HCN1: variants seen among roughly 807,000 people sequenced by gnomAD.
HCN1 encodes potassium/sodium hyperpolarization-activated cyclic nucleotide-gated channel 1.
A neutral mutation model predicts 78.9 loss-of-function variants in HCN1; 13 were observed. The ratio of observed to expected loss-of-function variants is 0.16; its 90% CI spans 0.11 to 0.26. The LOEUF is 0.26. Ranked by LOEUF, HCN1 falls within the 10% of genes least tolerant of loss-of-function variation. The pLI, the probability that HCN1 is intolerant of heterozygous loss-of-function variation, is 1.00. For missense variants in HCN1, 810 were observed against 1,154.3 expected, an observed-to-expected ratio of 0.70 and a Z score of 4.32; for synonymous variants, 552 against 455.5, an observed-to-expected ratio of 1.21 and a Z score of -2.70.
chr5:45,671,344 C>A (rs1056126475), intron 1 of HCN1, among the ~76,000 whole-genome samples: 1 of 151,260 alleles, frequency 6.6e-6, no homozygotes, highest in African/African-American at 2.4e-5. Flanking sequence ...TTATTACCAG[C>A]AAATCATGTT....
intron 2 of HCN1, among the ~76,000 whole-genome samples, chr5:45,569,597 C>T (rs1057062546): frequency 2.0e-5 from 3 of 151,834 alleles, no homozygotes; most frequent in Non-Finnish European, 4.4e-5. Context: ...ATTAATATTA[C>T]AAAAGAAATA....
At chr5:45,516,150 C>T (rs1360378554) in intron 2 of HCN1, among the ~76,000 whole-genome samples, 1 of 151,866 alleles carries the variant, frequency 6.6e-6, no homozygotes, top group Non-Finnish European at 1.5e-5. Flanking sequence ...CATGTTTGCT[C>T]TTTTGGAAGG....
intron 5 of HCN1, among the ~76,000 whole-genome samples, chr5:45,336,358 T>C (rs898043948): frequency 2.6e-5 from 4 of 152,148 alleles, no homozygotes; most frequent in Non-Finnish European, 5.9e-5. Context: ...AAAACTGTAA[T>C]GTTCCTTTAC....
rs1740007694 is a variant in HCN1 at position 45,696,106 on chromosome 5, C to T, written c.-13G>A. ...CGCCTCCTTCCATGCCCGGAGGACG[C>T]GGCCGGCGACGGCGCGGGCTCCAGA... On this transcript the variant is annotated 5_prime_UTR_variant, in exon 1 of 8. Transcript: ENST00000303230. The T allele has an allele frequency of 1.5e-6, 2 of 1,323,320 alleles. No individual in the cohort carries two copies. The highest frequency in any genetic ancestry group is 2.0e-6 in the Non-Finnish European group (2 of 1,024,340). 82.0% of individuals were successfully genotyped at this position (1,323,320 alleles called of 1,614,324 possible). A position where few individuals can be genotyped will look rare whatever the true frequency, so the allele number is the denominator to read the frequency against.
At chr5:45,296,903 T>A (rs192311418) in intron 6 of HCN1, among the ~76,000 whole-genome samples, 1 of 152,148 alleles carries the variant, frequency 6.6e-6, no homozygotes, top group Admixed American at 6.5e-5. Context: ...TAATGAGAAC[T>A]ATCTAACCTA....
intron 2 of HCN1, among the ~76,000 whole-genome samples, chr5:45,525,463 AT>A (rs1742717759): frequency 6.6e-6 from 1 of 151,670 alleles, no homozygotes; most frequent in East Asian, 1.9e-4. Context: ...TCAAATAAGT[AT>A]GATAAAATGA....
intron 5 of HCN1, among the ~76,000 whole-genome samples, chr5:45,329,405 C>T (rs140521300): frequency 5.3e-5 from 8 of 151,462 alleles, no homozygotes; most frequent in African/African-American, 7.2e-5. Context: ...AACAATGTCA[C>T]TCAGAGAAAG....
intron 2 of HCN1, among the ~76,000 whole-genome samples, chr5:45,478,911 C>G (rs1741582924): frequency 1.3e-5 from 2 of 152,076 alleles, no homozygotes; most frequent in Non-Finnish European, 2.9e-5. Context: ...ATCATGAGGT[C>G]AGAAGTTCAA....
chr5:45,451,069 A>G (rs1740909686), intron 3 of HCN1, among the ~76,000 whole-genome samples: 1 of 152,158 alleles, frequency 6.6e-6, no homozygotes, highest in Admixed American at 6.5e-5. Flanking sequence ...ACAACACTAA[A>G]TCACCATGGA....
At chr5:45,695,585 C>T (rs1461264464) in intron 1 of HCN1, 84 bp downstream of exon 1, 2 of 1,390,856 alleles carry the variant, frequency 1.4e-6, no homozygotes, top group African/African-American at 1.4e-5. Flanking sequence ...TCCTAGTCCC[C>T]GGGACGCCCC....
chr5:45,541,380 C>T (rs1743104378), intron 2 of HCN1, among the ~76,000 whole-genome samples: 1 of 152,166 alleles, frequency 6.6e-6, no homozygotes, highest in Admixed American at 6.5e-5. Context: ...CCTTCTTGTA[C>T]ACTCCTAGAA....
At chr5:45,640,853 T>G (rs1335672584) in intron 2 of HCN1, among the ~76,000 whole-genome samples, 5 of 130,082 alleles carry the variant, frequency 3.8e-5, no homozygotes, top group Admixed American at 1.7e-4. Context: ...TTTAAAGGAG[T>G]GATAGAAAAA....
chr5:45,648,713 CTTT>C (rs1040419164), intron 1 of HCN1, among the ~76,000 whole-genome samples: 3 of 152,076 alleles, frequency 2.0e-5, no homozygotes, highest in African/African-American at 7.2e-5. Flanking sequence ...CAAGCTCCTT[CTTT>C]ACCTTAACTC....
At chr5:45,685,177 T>C (rs1739780228) in intron 1 of HCN1, among the ~76,000 whole-genome samples, 1 of 152,180 alleles carries the variant, frequency 6.6e-6, no homozygotes, top group South Asian at 2.1e-4. Context: ...AAGGAAAGAT[T>C]TATCAGGTTA....
intron 5 of HCN1, among the ~76,000 whole-genome samples, chr5:45,332,722 A>G (rs13168931): frequency 1.3e-5 from 2 of 151,538 alleles, no homozygotes; most frequent in East Asian, 3.9e-4. Context: ...ATTCCACAAA[A>G]AAGTGAGAAT....
intron 2 of HCN1, among the ~76,000 whole-genome samples, chr5:45,473,709 A>G (rs1003228737): frequency 6.6e-6 from 1 of 151,656 alleles, no homozygotes; most frequent in African/African-American, 2.4e-5. Flanking sequence ...TTAGAAAATT[A>G]TGTTGACCTG....
At chr5:45,347,363 C>T (rs894850222) in intron 5 of HCN1, among the ~76,000 whole-genome samples, 1 of 152,156 alleles carries the variant, frequency 6.6e-6, no homozygotes, top group African/African-American at 2.4e-5. Flanking sequence ...AAAAACCCAT[C>T]TGTACATCAC....
At chr5:45,265,901 A>T (rs1316264289) in intron 7 of HCN1, among the ~76,000 whole-genome samples, 1 of 152,170 alleles carries the variant, frequency 6.6e-6, no homozygotes, top group East Asian at 1.9e-4. Context: ...TTCAGAGGCT[A>T]TAGGAGAATG....
At chr5:45,377,780 C>G (rs1021272119) in intron 4 of HCN1, among the ~76,000 whole-genome samples, 6 of 151,840 alleles carry the variant, frequency 4.0e-5, no homozygotes, top group Non-Finnish European at 8.8e-5. Context: ...AAGACTATAA[C>G]AAATTGGGTT....
Sources: gnomAD v4.1 joint callset for allele counts (sites outside exome capture counted in the v4.1 genomes callset) on GRCh38, gnomAD v4.1.1 for gene constraint, MANE v1.5 for transcripts, NCBI Gene and HGNC (gene_info 2026-07-23, HGNC 2026-07-21) for gene names.